The following GRID1 variants were observed in gnomAD, a reference collection of about 807,000 sequenced individuals.
The protein encoded by GRID1 is glutamate ionotropic receptor delta type subunit 1.
A neutral mutation model predicts 98.0 loss-of-function variants in GRID1; 28 were observed. The ratio of observed to expected loss-of-function variants is 0.29; its 90% CI spans 0.21 to 0.39. The LOEUF is 0.39. GRID1 is among the 10% of genes least tolerant of loss of function. The pLI is 1.00. For missense variants in GRID1, 1,111 were observed against 1,340.5 expected (o/e 0.83, Z 2.67); for synonymous variants, 553 against 538.5 (o/e 1.03, Z -0.37).
At chr10:85,699,114 G>A (rs1234580669) in intron 12 of GRID1, among the ~76,000 whole-genome samples, 9 of 151,994 alleles carry the variant, frequency 5.9e-5, no homozygotes, top group Middle Eastern at 3.4e-3. Context: ...GTGCAGTGCT[G>A]TGATCTCAGC....
At chr10:86,279,598 C>T (rs1197057835) in intron 2 of GRID1, among the ~76,000 whole-genome samples, 2 of 152,156 alleles carry the variant, frequency 1.3e-5, no homozygotes, top group African/African-American at 4.8e-5. Flanking sequence ...TAGAAAGGAA[C>T]TTCTTGATTT....
intron 8 of GRID1, among the ~76,000 whole-genome samples, chr10:85,778,665 G>T (rs59425410): frequency 5.9e-4 from 90 of 152,256 alleles, no homozygotes; most frequent in African/African-American, 2.1e-3. Context: ...AGAAAACCAA[G>T]AATTCCCAGC....
intron 3 of GRID1, among the ~76,000 whole-genome samples, chr10:86,175,041 G>C (rs1845554239): frequency 6.6e-6 from 1 of 152,190 alleles, no homozygotes; most frequent in Non-Finnish European, 1.5e-5. Flanking sequence ...TACACTGTTG[G>C]TGGGACTGTA....
intron 4 of GRID1, among the ~76,000 whole-genome samples, chr10:86,054,194 G>A (rs1258276536): frequency 6.6e-6 from 1 of 151,986 alleles, no homozygotes; most frequent in African/African-American, 2.4e-5. Context: ...GGCCCAGAGT[G>A]CGATACCACA....
intron 5 of GRID1, among the ~76,000 whole-genome samples, chr10:85,901,921 G>A (rs534150809): frequency 6.6e-6 from 1 of 152,290 alleles, no homozygotes; most frequent in Non-Finnish European, 1.5e-5. Flanking sequence ...TTACGGCTGA[G>A]AAAGAAGAAT....
intron 8 of GRID1, among the ~76,000 whole-genome samples, chr10:85,823,026 C>T (rs1040638086): frequency 2.0e-5 from 3 of 152,014 alleles, no homozygotes; most frequent in African/African-American, 7.2e-5. Flanking sequence ...CATCACACAC[C>T]AGGGCCTGTC....
rs1189722051 is a variant in GRID1 at position 85,628,128 on chromosome 10, T to C, written c.2194-8095A>G. Among the ~76,000 whole-genome samples the C allele has an allele frequency of 4.0e-5, 6 of 151,770 alleles. No homozygotes were observed. In the South Asian group the frequency reaches 1.2e-3, roughly 32 times the overall value. ...ACGTGAGAATGTATGGGTGGGTGAG[T>C]GTGTGTGCATTCAATAATACATGTT... is the stretch of plus-strand genomic sequence containing the variant. On this transcript the variant is annotated intron_variant, in intron 13 of 15. Coordinates refer to ENST00000327946, the MANE Select transcript of GRID1 (RefSeq NM_017551.3).
intron 8 of GRID1, among the ~76,000 whole-genome samples, chr10:85,771,446 T>C (rs1482662741): frequency 6.6e-6 from 1 of 152,014 alleles, no homozygotes; most frequent in African/African-American, 2.4e-5. Context: ...AACATCATAA[T>C]GACAGGATCA....
chr10:85,741,608 T>TAG (rs1841943657), intron 8 of GRID1, among the ~76,000 whole-genome samples: 1 of 152,140 alleles, frequency 6.6e-6, no homozygotes, highest in African/African-American at 2.4e-5. Context: ...ATCCTTCAGT[T>TAG]TCTTTTTTAT....
intron 5 of GRID1, among the ~76,000 whole-genome samples, chr10:85,889,331 TC>T (rs1230670538): frequency 6.6e-6 from 1 of 152,072 alleles, no homozygotes; most frequent in Non-Finnish European, 1.5e-5. Context: ...CTCTCCAATC[TC>T]CCCTTACCCC....
chr10:85,624,899 A>G (rs1842892854), intron 13 of GRID1, among the ~76,000 whole-genome samples: 1 of 152,224 alleles, frequency 6.6e-6, no homozygotes, highest in South Asian at 2.1e-4. Context: ...TAAGGTTTAA[A>G]TATTTACTAT....
chr10:85,911,449 G>A (rs1047118830), intron 5 of GRID1, among the ~76,000 whole-genome samples: 7 of 152,118 alleles, frequency 4.6e-5, no homozygotes, highest in Non-Finnish European at 5.9e-5. Context: ...ACTGACAATC[G>A]GGAAGAAGTG....
intron 12 of GRID1, among the ~76,000 whole-genome samples, chr10:85,691,282 C>G (rs1460795108): frequency 2.0e-5 from 3 of 152,212 alleles, no homozygotes; most frequent in African/African-American, 7.2e-5. Flanking sequence ...GAAAGCAATT[C>G]TGCCATAACT....
intron 2 of GRID1, among the ~76,000 whole-genome samples, chr10:86,320,441 A>C (rs1211408771): frequency 6.6e-6 from 1 of 152,204 alleles, no homozygotes; most frequent in African/African-American, 2.4e-5. Context: ...ACGTCACAAA[A>C]GTACTATATG....
chr10:85,991,447 G>T (rs185489409), intron 4 of GRID1, among the ~76,000 whole-genome samples: 1 of 152,228 alleles, frequency 6.6e-6, no homozygotes, highest in Admixed American at 6.5e-5. Flanking sequence ...TAATGTGCAA[G>T]TACTTGAAGC....
At chr10:85,819,314 TTTA>T (rs1842741754) in intron 8 of GRID1, among the ~76,000 whole-genome samples, 1 of 152,094 alleles carries the variant, frequency 6.6e-6, no homozygotes, top group Non-Finnish European at 1.5e-5. Context: ...CCCCCAGAAG[TTTA>T]TTAATTATTG....
chr10:85,788,054 C>CAA (rs202189101), intron 8 of GRID1, among the ~76,000 whole-genome samples: 3 of 120,902 alleles, frequency 2.5e-5, no homozygotes, highest in African/African-American at 9.7e-5. Flanking sequence ...ATAAACTTCA[C>CAA]AAAAAAAAAA....
intron 4 of GRID1, among the ~76,000 whole-genome samples, chr10:86,014,648 T>C (rs1842959313): frequency 6.6e-6 from 1 of 152,226 alleles, no homozygotes; most frequent in South Asian, 2.1e-4. Context: ...TCGGCAAGTA[T>C]GTAGATGCCA....
intron 2 of GRID1, among the ~76,000 whole-genome samples, chr10:86,231,224 G>C (rs1007887498): frequency 6.6e-6 from 1 of 152,186 alleles, no homozygotes; most frequent in African/African-American, 2.4e-5. Context: ...GGAAATGGTT[G>C]GTTTGCTGCT....
Sources: allele counts gnomAD v4.1 joint callset (sites outside exome capture counted in the v4.1 genomes callset), GRCh38; gene constraint gnomAD v4.1.1; transcripts MANE v1.5; gene names NCBI Gene and HGNC (gene_info 2026-07-23, HGNC 2026-07-21).